PIWIL2: variants seen among roughly 807,000 people sequenced by gnomAD.
PIWIL2 encodes the protein piwi like RNA-mediated gene silencing 2.
PIWIL2 carries 81 observed loss-of-function variants against 116.5 expected under a neutral mutation model. The ratio of observed to expected loss-of-function variants is 0.70; its 90% CI spans 0.58 to 0.84. The LOEUF is 0.84. PIWIL2 is among the 40% of genes least tolerant of loss of function. The pLI is 0.00. For missense variants in PIWIL2, 1,272 were observed against 1,212.3 expected, an observed-to-expected ratio of 1.05 and a Z score of -0.73; for synonymous variants, 489 against 429.5, an observed-to-expected ratio of 1.14 and a Z score of -1.71.
intron 20 of PIWIL2, among the ~76,000 whole-genome samples, chr8:22,322,834 C>T (rs73227808): frequency 0.013 from 1,990 of 152,298 alleles, 24 homozygotes; most frequent in East Asian, 0.044. Flanking sequence ...AGCCACTGTG[C>T]CCAGCTGAAT....
intron 1 of PIWIL2, 70 bp from the exon 2 acceptor site, chr8:22,279,270 AT>A: frequency 1.3e-6 from 1 of 791,740 alleles, no homozygotes; most frequent in Non-Finnish European, 2.2e-6. Flanking sequence ...TACTATTTTA[AT>A]GCTTTGTGAG....
intron 20 of PIWIL2, among the ~76,000 whole-genome samples, chr8:22,346,191 T>G (rs1832223031): frequency 6.6e-6 from 1 of 152,070 alleles, no homozygotes; most frequent in Non-Finnish European, 1.5e-5. Flanking sequence ...ACCACTGCAC[T>G]CAGGCCTGGG....
At chr8:22,302,038 G>T (rs985953560) in intron 10 of PIWIL2, among the ~76,000 whole-genome samples, 1 of 151,948 alleles carries the variant, frequency 6.6e-6, no homozygotes, top group Non-Finnish European at 1.5e-5. Flanking sequence ...TTTTCCTTCA[G>T]TTCAAGATAT....
At chr8:22,280,136 C>G (rs1830467193) in intron 2 of PIWIL2, among the ~76,000 whole-genome samples, 1 of 152,192 alleles carries the variant, frequency 6.6e-6, no homozygotes, top group Non-Finnish European at 1.5e-5. Context: ...CATAGGTCCT[C>G]TAGCTTCCGA....
rs965815873 is a variant in PIWIL2, at chr8:22,311,275, C to T, written c.1964C>T (p.Thr655Ile). 3 of 1,611,752 alleles carry T rather than the reference C, an allele frequency of 1.9e-6. No homozygotes were observed. The African/African-American group carries it at 4.0e-5, about 22-fold the overall frequency. Residue 655 changes from threonine (T) to isoleucine (I), a missense_variant, in exon 16 of 23, where the codon ACC (threonine) becomes ATC (isoleucine). Physicochemically the swap from Thr to Ile is moderately conservative, Grantham distance 89 (BLOSUM62 -1). Transcript: ENST00000356766. The stretch of plus-strand genomic sequence containing the variant: ...GACCGAATAGAGACTTATGTCAGAA[C>T]CATTCAATCCACGTTAGGAGCTGAG... The part of the protein sequence containing the change: ...KDDRIETYVR[T>I]IQSTLGAEGK...
intron 15 of PIWIL2, 47 bp downstream of exon 15, chr8:22,310,121 G>C: frequency 1.0e-6 from 1 of 994,292 alleles, no homozygotes; most frequent in Non-Finnish European, 1.6e-6. Context: ...ATTCCCCAAA[G>C]TGTGGGAATT....
chr8:22,317,156 C>G (rs1831479538), intron 19 of PIWIL2, among the ~76,000 whole-genome samples: 1 of 152,182 alleles, frequency 6.6e-6, no homozygotes, highest in Admixed American at 6.5e-5. Flanking sequence ...AAGGCTGGGG[C>G]TGTGCTGCCT....
At chr8:22,351,113 T>G (rs1021631065) in intron 20 of PIWIL2, among the ~76,000 whole-genome samples, 7 of 151,560 alleles carry the variant, frequency 4.6e-5, no homozygotes, top group African/African-American at 1.7e-4. Flanking sequence ...ATTGCATCAC[T>G]GCACTTCAGC....
At chr8:22,281,586 T>C (rs1830503784) in intron 4 of PIWIL2, 71 bp downstream of exon 4, 2 of 1,272,456 alleles carry the variant, frequency 1.6e-6, no homozygotes, top group African/African-American at 1.5e-5. Context: ...AGAGAGCAAC[T>C]CTAAGAAGAG....
chr8:22,299,414 G>A (rs1830991333), intron 10 of PIWIL2, among the ~76,000 whole-genome samples: 2 of 151,958 alleles, frequency 1.3e-5, no homozygotes, highest in South Asian at 4.2e-4. Flanking sequence ...CTCCATGGTG[G>A]TCAGACTGGT....
intron 20 of PIWIL2, among the ~76,000 whole-genome samples, chr8:22,351,330 AC>A (rs1168268574): frequency 4.0e-5 from 6 of 148,844 alleles, no homozygotes; most frequent in East Asian, 4.0e-4. Context: ...AAAAAAAAAA[AC>A]AAATTGAAAC....
At chr8:22,307,463 TTTA>T (rs1208575881) in intron 13 of PIWIL2, among the ~76,000 whole-genome samples, 3 of 146,112 alleles carry the variant, frequency 2.1e-5, no homozygotes, top group African/African-American at 5.0e-5. Context: ...TTGAAATTCT[TTTA>T]TTATTCATTT....
chr8:22,311,230 C>T lies in PIWIL2; in HGVS notation c.1919C>T (p.Ala640Val). ...GPIGMRMSPP[A>V]WVELKDDRIE... ...ATTGGCATGCGTATGAGCCCACCGGCCTGGGTTGAACTAAAGGATGACCGA... is the reference window on the plus strand; with the variant it reads ...ATTGGCATGCGTATGAGCCCACCGGTCTGGGTTGAACTAAAGGATGACCGA... Residue 640 changes from alanine (A) to valine (V), a missense_variant, in exon 16 of 23, where the codon GCC (alanine) becomes GTC (valine). Coordinates refer to ENST00000356766, the MANE Select transcript of PIWIL2 (RefSeq NM_018068.5). 1 of 1,614,100 alleles carries T rather than the reference C, an allele frequency of 6.2e-7. No individual in the cohort carries two copies. Among genetic ancestry groups the T allele is most frequent in the Non-Finnish European group, 8.5e-7 (1 of 1,180,014 alleles).
At chr8:22,325,861 G>A (rs1831713107) in intron 20 of PIWIL2, among the ~76,000 whole-genome samples, 1 of 152,136 alleles carries the variant, frequency 6.6e-6, no homozygotes, top group South Asian at 2.1e-4. Flanking sequence ...TAGTAAGTAA[G>A]TGTCTGCTCA....
intron 10 of PIWIL2, among the ~76,000 whole-genome samples, chr8:22,293,311 A>G (rs954716552): frequency 1.9e-4 from 29 of 152,118 alleles, no homozygotes; most frequent in African/African-American, 7.0e-4. Flanking sequence ...CCTGTCTTCA[A>G]AAAAACAGAA....
At chr8:22,279,120 G>A (rs1355642967) in intron 1 of PIWIL2, among the ~76,000 whole-genome samples, 1 of 152,130 alleles carries the variant, frequency 6.6e-6, no homozygotes, top group Non-Finnish European at 1.5e-5. Context: ...CAGGAAACCA[G>A]TCTCTGGTGC....
intron 10 of PIWIL2, among the ~76,000 whole-genome samples, chr8:22,297,084 G>A (rs1425069068): frequency 1.3e-5 from 2 of 151,872 alleles, no homozygotes; most frequent in Non-Finnish European, 2.9e-5. Context: ...AAACTCCTGG[G>A]CTCAAGCAAT....
chr8:22,353,853 C>T (rs1174417814), intron 21 of PIWIL2, among the ~76,000 whole-genome samples: 1 of 139,160 alleles, frequency 7.2e-6, no homozygotes, highest in Non-Finnish European at 1.5e-5. Context: ...CAGCTCACTG[C>T]AGCCTCAACC....
chr8:22,354,249 G>C (rs773126623), intron 21 of PIWIL2, 22 bp from the exon 22 acceptor site: 19 of 1,508,396 alleles, frequency 1.3e-5, no homozygotes, highest in Non-Finnish European at 1.8e-5. Context: ...CCATTTCACT[G>C]ATTTATGGTT....
Sources: gnomAD v4.1 joint callset for allele counts (sites outside exome capture counted in the v4.1 genomes callset) on GRCh38, gnomAD v4.1.1 for gene constraint, MANE v1.5 for transcripts, NCBI Gene and HGNC (gene_info 2026-07-23, HGNC 2026-07-21) for gene names.